The following SYNRG variants were observed in gnomAD, a reference collection of about 807,000 sequenced individuals.
SYNRG encodes AP1 gamma subunit binding protein 1.
In SYNRG, 37 loss-of-function variants were observed where a neutral mutation model predicts 130.9. The ratio of observed to expected loss-of-function variants is 0.28; its 90% CI spans 0.22 to 0.37. The LOEUF (loss-of-function observed/expected upper bound fraction) is 0.37. Ranked by LOEUF, SYNRG falls within the 10% of genes least tolerant of loss-of-function variation. The pLI is 1.00. For synonymous variants in SYNRG, 539 were observed against 568.1 expected (o/e 0.95, Z 0.73); for missense variants, 1,338 against 1,588.9 (o/e 0.84, Z 2.68).
At chr17:37,574,879 C>T (rs2060689876) in intron 8 of SYNRG, among the ~76,000 whole-genome samples, 1 of 151,732 alleles carries the variant, frequency 6.6e-6, no homozygotes, top group Non-Finnish European at 1.5e-5. Context: ...ATTTATAAGC[C>T]AAGATTCAAA....
At chr17:37,600,713 C>T in intron 1 of SYNRG, 1 of 476,722 alleles carries the variant, frequency 2.1e-6, no homozygotes, top group South Asian at 2.2e-5. Context: ...TCAATTCAGT[C>T]AACATCTATT....
intron 2 of SYNRG, among the ~76,000 whole-genome samples, chr17:37,599,252 A>G (rs1304601489): frequency 6.6e-6 from 1 of 152,254 alleles, no homozygotes; most frequent in African/African-American, 2.4e-5. Flanking sequence ...GAAAGAAGCC[A>G]GATGAAGGCA....
intron 14 of SYNRG, among the ~76,000 whole-genome samples, chr17:37,550,508 T>C (rs956663826): frequency 6.6e-6 from 1 of 152,120 alleles, no homozygotes; most frequent in Non-Finnish European, 1.5e-5. Context: ...ACTTTCAAAA[T>C]ATGCCAAAGA....
At chr17:37,590,056 A>T (rs1435049190) in intron 3 of SYNRG, among the ~76,000 whole-genome samples, 1 of 151,880 alleles carries the variant, frequency 6.6e-6, no homozygotes, top group Non-Finnish European at 1.5e-5. Flanking sequence ...CTGTAGTCCC[A>T]GCTTCTCTGG....
Position 37,542,338 on chromosome 17 carries a change from TG to T in SYNRG, c.2835del (p.Val947Ter). The T allele has an allele frequency of 6.2e-7, 1 of 1,614,248 alleles. No homozygotes were observed. Among genetic ancestry groups the T allele is most frequent in the South Asian group, 1.1e-5 (1 of 91,086 alleles). Reference protein sequence around the residue: ...SSENITMTSLSKVTTFVSEDA... With the variant: ...SSENITMTSLXKVTTFVSEDA... Reference sequence around the variant, plus strand: ...TCTTCACTTACAAAGGTCGTTACTTTGGAGAGAGATGTCATGGTGATGTTTT... The same window carrying T: ...TCTTCACTTACAAAGGTCGTTACTTTGAGAGAGATGTCATGGTGATGTTTT... On this transcript the variant is annotated frameshift_variant, in exon 15 of 22. Coordinates refer to ENST00000612223, the MANE Select transcript of SYNRG (RefSeq NM_007247.6). LOFTEE classifies it high-confidence loss of function.
At chr17:37,596,653 C>A (rs1285282958) in intron 2 of SYNRG, among the ~76,000 whole-genome samples, 1 of 152,220 alleles carries the variant, frequency 6.6e-6, no homozygotes, top group Non-Finnish European at 1.5e-5. Flanking sequence ...CCAATGACCT[C>A]TGTCTCCTGG....
Position 37,596,206 on chromosome 17 carries a change from A to C in SYNRG, c.240+17T>G. Reference sequence around the variant, plus strand: ...CAAACAATAACTTTGTAAGAAACCAACTAAAGAAGCAAGTACCTGCATAGC... The same window carrying C: ...CAAACAATAACTTTGTAAGAAACCACCTAAAGAAGCAAGTACCTGCATAGC... On this transcript the variant is annotated intron_variant, in intron 3 of 21. Transcript: ENST00000612223. 6.2e-7 allele frequency: 1 copy of C among 1,612,412 alleles called. No homozygotes were observed.
intron 6 of SYNRG, chr17:37,579,112 T>C: frequency 8.9e-7 from 1 of 1,122,760 alleles, no homozygotes; most frequent in Non-Finnish European, 1.1e-6. Context: ...AATATTTTCA[T>C]TAATAATGCT....
chr17:37,561,730 T>C (rs1458594089), intron 11 of SYNRG, 141 bp from the exon 12 acceptor site: 4 of 483,664 alleles, frequency 8.3e-6, no homozygotes, highest in Non-Finnish European at 1.1e-5. Context: ...CTATATAGTA[T>C]ACATATATAC....
chr17:37,593,525 A>G (rs7224979), intron 3 of SYNRG, among the ~76,000 whole-genome samples: 36,602 of 151,944 alleles, frequency 0.24, 4,931 homozygotes, highest in East Asian at 0.53. Flanking sequence ...TATGTCCCTG[A>G]TTGGTTAGGG....
At chr17:37,565,890 G>C (rs2059925995) in intron 11 of SYNRG, among the ~76,000 whole-genome samples, 1 of 151,566 alleles carries the variant, frequency 6.6e-6, no homozygotes, top group African/African-American at 2.4e-5. Context: ...CTGCCCGGCA[G>C]CCACCCCGTC....
At chr17:37,557,959 A>G (rs1306989597) in intron 13 of SYNRG, among the ~76,000 whole-genome samples, 1 of 152,220 alleles carries the variant, frequency 6.6e-6, no homozygotes, top group East Asian at 1.9e-4. Context: ...GGTCATTAAT[A>G]CCATATTACA....
chr17:37,592,475 C>T (rs1399497951), intron 3 of SYNRG, among the ~76,000 whole-genome samples: 2 of 152,154 alleles, frequency 1.3e-5, no homozygotes, highest in Non-Finnish European at 2.9e-5. Context: ...CATATGTTCA[C>T]GCAAAAACCT....
chr17:37,576,303 T>C (rs1414978651), intron 8 of SYNRG, 38 bp downstream of exon 8: 2 of 1,595,628 alleles, frequency 1.3e-6, no homozygotes, highest in African/African-American at 2.7e-5. Flanking sequence ...TAAACCAAAA[T>C]ATCCAGATGG....
At chr17:37,609,210 A>AT (rs992972422) in intron 1 of SYNRG, 69 bp downstream of exon 1, 26 of 1,363,862 alleles carry the variant, frequency 1.9e-5, no homozygotes, top group Non-Finnish European at 2.3e-5. Context: ...GAAAACTGCC[A>AT]TAACTGCCAA....
At chr17:37,562,861 T>C (rs142001672) in intron 11 of SYNRG, among the ~76,000 whole-genome samples, 56 of 152,298 alleles carry the variant, frequency 3.7e-4, no homozygotes, top group African/African-American at 1.3e-3. Context: ...ACCCCCAAAG[T>C]TGAATGATTT....
At chr17:37,579,744 ACCT>A (rs2061139450) in intron 6 of SYNRG, among the ~76,000 whole-genome samples, 3 of 152,356 alleles carry the variant, frequency 2.0e-5, no homozygotes, top group African/African-American at 7.2e-5. Flanking sequence ...TTGCTCTGTC[ACCT>A]AGGCTACAGT....
At chr17:37,520,748 A>G (rs1568239678) in intron 19 of SYNRG, 100 bp from the exon 20 acceptor site, 1 of 885,694 alleles carries the variant, frequency 1.1e-6, no homozygotes, top group Non-Finnish European at 1.8e-6. Context: ...AGCGGCAAGT[A>G]CAGTACTCTA....
chr17:37,581,256 C>T (rs184401734), intron 6 of SYNRG, among the ~76,000 whole-genome samples: 1 of 150,448 alleles, frequency 6.6e-6, no homozygotes, highest in Non-Finnish European at 1.5e-5. Context: ...TGCTTCTTCA[C>T]ATTTATTATT....
Sources: gnomAD v4.1 joint callset for allele counts (sites outside exome capture counted in the v4.1 genomes callset) on GRCh38, gnomAD v4.1.1 for gene constraint, MANE v1.5 for transcripts, NCBI Gene and HGNC (gene_info 2026-07-23, HGNC 2026-07-21) for gene names.